The following MICAL2 variants were observed in gnomAD, a reference collection of about 807,000 sequenced individuals.
MICAL2 encodes [F-actin]-monooxygenase MICAL2.
A neutral mutation model predicts 127.3 loss-of-function variants in MICAL2; 77 were observed. The ratio of observed to expected loss-of-function variants is 0.60; its 90% CI spans 0.50 to 0.73. The LOEUF is 0.73. Ranked by LOEUF, MICAL2 falls within the 30% of genes least tolerant of loss-of-function variation. The probability of loss-of-function intolerance (pLI) is 0.00; values close to 1 mark genes in which losing one functional copy is unlikely to be tolerated. For synonymous variants in MICAL2, 570 were observed against 551.1 expected (o/e 1.03, Z -0.48); for missense variants, 1,351 against 1,434.4 (o/e 0.94, Z 0.94).
At chr11:12,240,942 G>C in intron 17 of MICAL2, 98 bp from the exon 18 acceptor site, 3 of 1,473,370 alleles carry the variant, frequency 2.0e-6, no homozygotes, top group Non-Finnish European at 2.8e-6. Flanking sequence ...TCGTCTCCCT[G>C]CTCCTCTTCT....
chr11:12,120,221 C>T (rs1850393326), intron 1 of MICAL2, among the ~76,000 whole-genome samples: 1 of 152,210 alleles, frequency 6.6e-6, no homozygotes, highest in African/African-American at 2.4e-5. Context: ...GTTAAAAATA[C>T]AGAAGTTAAC....
At chr11:12,272,694 G>A (rs1406016505), upstream of MICAL2, among the ~76,000 whole-genome samples, 1 of 152,338 alleles carries the variant, frequency 6.6e-6, no homozygotes, top group East Asian at 1.9e-4. Flanking sequence ...GCTTCAGGCT[G>A]TAGGTCTAAG....
chr11:12,144,604 C>G (rs1442291499), intron 2 of MICAL2, among the ~76,000 whole-genome samples: 1 of 152,152 alleles, frequency 6.6e-6, no homozygotes, highest in East Asian at 1.9e-4. Flanking sequence ...GAATTGCTCA[C>G]AACCATAAAT....
intron 1 of MICAL2, among the ~76,000 whole-genome samples, chr11:12,132,389 T>C (rs1851491899): frequency 1.3e-5 from 2 of 152,218 alleles, no homozygotes; most frequent in Non-Finnish European, 2.9e-5. Context: ...TGCTATGCTG[T>C]GTGGCACCAT....
chr11:12,259,648 G>A (rs375894617), intron 25 of MICAL2, 147 bp from the exon 26 acceptor site: 17 of 665,196 alleles, frequency 2.6e-5, no homozygotes, highest in African/African-American at 1.1e-4. Flanking sequence ...GTTCAGCACC[G>A]GCTTCAGCAT....
chr11:12,328,432 C>T (rs929649263), intron 32 of MICAL2, among the ~76,000 whole-genome samples: 8 of 152,080 alleles, frequency 5.3e-5, no homozygotes, highest in African/African-American at 1.9e-4. Flanking sequence ...AGAGGAGGAA[C>T]AAGAGTTAAC....
downstream of MICAL2, among the ~76,000 whole-genome samples, chr11:12,289,550 C>A (rs1565294643): frequency 7.5e-6 from 1 of 133,098 alleles, no homozygotes; most frequent in African/African-American, 2.6e-5. Context: ...CCACTGGGCA[C>A]CTCTTGTTTT....
In MICAL2 at chr11:12,221,729, G is replaced by A. The variant is rs1243701718; in HGVS notation, c.1292G>A (p.Gly431Asp). ...TGGATGGTGAAGAGCTGGAACCAGG[G>A]CACCCCTCCCCTGGAGCTGCTGGCT... Reference protein sequence around the residue: ...TAWMVKSWNQGTPPLELLAER... With the variant: ...TAWMVKSWNQDTPPLELLAER... Residue 431 changes from glycine (G) to aspartate (D), a missense_variant, in exon 10 of 28, where the codon GGC becomes GAC. Transcript: ENST00000683283. 1.9e-6 allele frequency: 3 copies of A among 1,613,676 alleles called. No homozygotes were observed. Among genetic ancestry groups the A allele is most frequent in the Non-Finnish European group, 2.5e-6 (3 of 1,179,808 alleles).
chr11:12,135,558 C>T (rs1184578210), intron 1 of MICAL2, among the ~76,000 whole-genome samples: 1 of 152,104 alleles, frequency 6.6e-6, no homozygotes, highest in Non-Finnish European at 1.5e-5. Flanking sequence ...CAGAGAAGCC[C>T]TATGAAGTGG....
chr11:12,151,682 G>C lies in MICAL2; in HGVS notation c.-77-10397G>C, dbSNP rs144171380. On this transcript the variant is annotated intron_variant, in intron 2 of 27. Transcript: ENST00000683283. Reference sequence around the variant, plus strand: ...CAGTTTCCAAGGTCTTTGTGCCCTGGCAGAAGTAGAAAAGGCACCAAAAAC... The same window carrying C: ...CAGTTTCCAAGGTCTTTGTGCCCTGCCAGAAGTAGAAAAGGCACCAAAAAC... 9.3e-4 allele frequency among the ~76,000 whole-genome samples: 141 copies of C among 152,252 alleles called. 2 individuals carry two copies. The East Asian group carries it at 0.026, about 28-fold the overall frequency.
At chr11:12,159,134 G>C (rs77018253) in intron 2 of MICAL2, among the ~76,000 whole-genome samples, 13,509 of 152,160 alleles carry the variant, frequency 0.089, 858 homozygotes, top group African/African-American at 0.17. Context: ...CTGGTTCCTG[G>C]AGCTCCCACG....
chr11:12,343,417 A>AAAC (rs988645602), intron 32 of MICAL2, among the ~76,000 whole-genome samples: 6 of 151,384 alleles, frequency 4.0e-5, no homozygotes, highest in African/African-American at 1.2e-4. Context: ...AAAAAAAAAA[A>AAAC]AAAAAAACTG....
At chr11:12,342,920 G>A (rs1367769140) in intron 32 of MICAL2, among the ~76,000 whole-genome samples, 4 of 152,190 alleles carry the variant, frequency 2.6e-5, no homozygotes, top group Admixed American at 1.3e-4. Context: ...GAATCTTACC[G>A]GGAGGGGGCA....
intron 20 of MICAL2, among the ~76,000 whole-genome samples, chr11:12,243,556 A>G (rs1327497443): frequency 6.6e-6 from 1 of 152,152 alleles, no homozygotes; most frequent in Non-Finnish European, 1.5e-5. Context: ...AGGATTCCTC[A>G]TGCCTGCCAG....
rs556971300 is a variant in MICAL2 at position 12,327,712 on chromosome 11, T to A, written c.5515+446T>A. ...GTACGACCTTGGGCCAGTCACATTATAAACCTTTATACTTTTTCATTTCCT... is the reference window on the plus strand; with the variant it reads ...GTACGACCTTGGGCCAGTCACATTAAAAACCTTTATACTTTTTCATTTCCT... On this transcript the variant is annotated intron_variant, in intron 32 of 34. Coordinates refer to the MICAL2 transcript ENST00000646065. Among the ~76,000 whole-genome samples, 26 of 151,040 alleles carry A rather than the reference T, an allele frequency of 1.7e-4. No homozygotes were observed. The South Asian group carries it at 5.5e-3, about 32-fold the overall frequency.
chr11:12,359,763 G>C (rs1287284568), downstream of MICAL2, among the ~76,000 whole-genome samples: 3 of 152,190 alleles, frequency 2.0e-5, no homozygotes, highest in African/African-American at 7.2e-5. Context: ...CGGATTCTTT[G>C]AAGATTTAGT....
intron 1 of MICAL2, among the ~76,000 whole-genome samples, chr11:12,125,543 C>T (rs1271102997): frequency 1.4e-5 from 2 of 148,086 alleles, no homozygotes; most frequent in Non-Finnish European, 3.0e-5. Flanking sequence ...CGTGAGCCAC[C>T]GTGCCCGGCA....
At chr11:12,307,905 C>T (rs1267784792) in intron 29 of MICAL2, among the ~76,000 whole-genome samples, 1 of 152,160 alleles carries the variant, frequency 6.6e-6, no homozygotes, top group African/African-American at 2.4e-5. Flanking sequence ...GTCTTTGAAA[C>T]AGAGCCTCAC....
At chr11:12,175,425 G>A (rs1428418596) in intron 3 of MICAL2, among the ~76,000 whole-genome samples, 2 of 152,050 alleles carry the variant, frequency 1.3e-5, no homozygotes, top group Non-Finnish European at 2.9e-5. Flanking sequence ...GCAGTGAGCC[G>A]AGATTGCGCC....
Sources: gnomAD v4.1 joint callset for allele counts (sites outside exome capture counted in the v4.1 genomes callset) on GRCh38, gnomAD v4.1.1 for gene constraint, MANE v1.5 for transcripts, NCBI Gene and HGNC (gene_info 2026-07-23, HGNC 2026-07-21) for gene names.